The following VEGFC variants were observed in gnomAD, a reference collection of about 807,000 sequenced individuals.
VEGFC encodes FLT4 ligand DHM.
Under a neutral mutation model 46.1 loss-of-function variants are expected in VEGFC, and 12 were observed. The observed-to-expected ratio is 0.26, with a 90% CI of 0.17 to 0.42. The LOEUF (loss-of-function observed/expected upper bound fraction) is 0.42, where lower values mean the gene tolerates loss of function less well. Ranked by LOEUF, VEGFC falls within the 10% of genes least tolerant of loss-of-function variation. The probability of loss-of-function intolerance (pLI) is 1.00; values close to 1 mark genes in which losing one functional copy is unlikely to be tolerated. For synonymous variants in VEGFC, 232 were observed against 195.5 expected (o/e 1.19, Z -1.56); for missense variants, 488 against 529.4 (o/e 0.92, Z 0.77).
chr4:176,718,296 G>A (rs1298060633), intron 3 of VEGFC, among the ~76,000 whole-genome samples: 1 of 152,018 alleles, frequency 6.6e-6, no homozygotes, highest in African/African-American at 2.4e-5. Context: ...GAATACAAAG[G>A]AATGTAATAA....
intron 6 of VEGFC, among the ~76,000 whole-genome samples, chr4:176,686,177 A>T (rs1258409589): frequency 6.6e-6 from 1 of 152,218 alleles, no homozygotes; most frequent in South Asian, 2.1e-4. Context: ...GCTTAAAGAA[A>T]AAGGCCATGG....
chr4:176,786,810 G>A (rs916213435), intron 1 of VEGFC, among the ~76,000 whole-genome samples: 1 of 152,182 alleles, frequency 6.6e-6, no homozygotes, highest in Non-Finnish European at 1.5e-5. Flanking sequence ...GGAATTAGGA[G>A]CATCCACATG....
intron 1 of VEGFC, among the ~76,000 whole-genome samples, chr4:176,741,413 G>A (rs1366787478): frequency 2.0e-5 from 3 of 151,864 alleles, no homozygotes; most frequent in Non-Finnish European, 2.9e-5. Flanking sequence ...AACATTTCAG[G>A]CCAGAGAGTC....
At chr4:176,707,930 A>G (rs1156791744) in intron 4 of VEGFC, among the ~76,000 whole-genome samples, 1 of 152,038 alleles carries the variant, frequency 6.6e-6, no homozygotes, top group Non-Finnish European at 1.5e-5. Context: ...TTCATGTGTG[A>G]CTTGAGCTTT....
intron 1 of VEGFC, among the ~76,000 whole-genome samples, chr4:176,743,864 T>TA (rs1735218445): frequency 2.6e-5 from 4 of 151,988 alleles, no homozygotes. Flanking sequence ...GTGAAACAAA[T>TA]ATTGTTTCTG....
In VEGFC at chr4:176,727,937, G is replaced by A; in HGVS notation, c.393C>T (p.Cys131=). The change falls in exon 3 of 7, where the codon TGC becomes TGT. Residue 131 remains cysteine, a synonymous_variant. Transcript: ENST00000618562. ...SIDNEWRKTQ[C]MPREVCIDVG... is the part of the protein sequence containing the mutation. ...CATCTATACACACCTCCCGTGGCAT[G>A]CATTGAGTCTTTCTCCACTCATTAT... is the stretch of plus-strand genomic sequence containing the variant. The A allele has an allele frequency of 2.5e-6, 4 of 1,612,062 alleles. No homozygotes were observed. Among genetic ancestry groups the A allele is most frequent in the Non-Finnish European group, 3.4e-6 (4 of 1,178,894 alleles).
chr4:176,779,576 T>C (rs1407144350), intron 1 of VEGFC, among the ~76,000 whole-genome samples: 1 of 152,142 alleles, frequency 6.6e-6, no homozygotes, highest in Admixed American at 6.5e-5. Flanking sequence ...GGGCACATCA[T>C]CAAGTGGGGT....
chr4:176,768,491 CATATATAT>C lies in VEGFC; in HGVS notation c.147+23666_147+23673del, dbSNP rs145504348. Reference sequence around the variant, plus strand: ...CTGCCAAGTAAGAGGATGTTTTATACATATATATATATATATATATATTTCAAATTTTT... The same window carrying C: ...CTGCCAAGTAAGAGGATGTTTTATACATATATATATATATTTCAAATTTTT... On this transcript the variant is annotated intron_variant, in intron 1 of 6. Transcript: ENST00000618562. Among the ~76,000 whole-genome samples the C allele has an allele frequency of 3.0e-4, 30 of 100,536 alleles. 1 individual carries two copies. The highest frequency in any genetic ancestry group is 1.1e-3 in the Admixed American group (9 of 8,074). The allele number at this position is 100,536 out of a possible 152,430, so 66.0% of individuals were successfully genotyped here. A position where few individuals can be genotyped will look rare whatever the true frequency, so the allele number is the denominator to read the frequency against.
intron 4 of VEGFC, among the ~76,000 whole-genome samples, chr4:176,697,627 A>C (rs1202582314): frequency 6.6e-6 from 1 of 151,794 alleles, no homozygotes; most frequent in Non-Finnish European, 1.5e-5. Context: ...CAGCCATCCC[A>C]TTACTGGGTA....
chr4:176,790,606 T>C (rs1023264335), intron 1 of VEGFC, among the ~76,000 whole-genome samples: 2 of 152,174 alleles, frequency 1.3e-5, no homozygotes, highest in Non-Finnish European at 2.9e-5. Flanking sequence ...ATACAGGCTA[T>C]TGGCTTATCA....
intron 1 of VEGFC, among the ~76,000 whole-genome samples, chr4:176,750,192 G>A (rs994901435): frequency 1.3e-5 from 2 of 151,576 alleles, no homozygotes; most frequent in Non-Finnish European, 3.0e-5. Context: ...TTATTACTCC[G>A]ATCTCTGAAA....
intron 1 of VEGFC, among the ~76,000 whole-genome samples, chr4:176,776,193 C>G (rs1735810723): frequency 1.3e-5 from 2 of 151,970 alleles, no homozygotes; most frequent in South Asian, 4.2e-4. Flanking sequence ...TTTTGAGAAA[C>G]AAAGGTAAAG....
Position 176,777,189 on chromosome 4 carries a change from C to T in VEGFC, c.147+14976G>A, listed in dbSNP as rs558580789. Among the ~76,000 whole-genome samples the T allele has an allele frequency of 2.5e-3, 373 of 152,074 alleles. 2 individuals carry two copies. Among genetic ancestry groups the T allele is most frequent in the Non-Finnish European group, 1.6e-3 (107 of 67,982 alleles). The stretch of plus-strand genomic sequence containing the variant: ...AAAATTAGCCGGGCGTGGTGGCGGG[C>T]GCCTGTAGTCCCAGCTACTCAGGAG... On this transcript the variant is annotated intron_variant, in intron 1 of 6. Coordinates refer to ENST00000618562, the MANE Select transcript of VEGFC (RefSeq NM_005429.5).
intron 2 of VEGFC, 84 bp downstream of exon 2, chr4:176,729,445 TACAA>T (rs1560948002): frequency 9.1e-7 from 1 of 1,104,034 alleles, no homozygotes; most frequent in African/African-American, 1.6e-5. Context: ...TATTCGGTGA[TACAA>T]ACACTGAAAT....
intron 1 of VEGFC, among the ~76,000 whole-genome samples, chr4:176,759,234 T>C (rs1735485681): frequency 1.3e-5 from 2 of 152,170 alleles, no homozygotes; most frequent in East Asian, 1.9e-4. Context: ...AATTTGGGGG[T>C]TGAGCCCATA....
intron 1 of VEGFC, among the ~76,000 whole-genome samples, chr4:176,780,165 A>G (rs1032046274): frequency 4.6e-5 from 7 of 152,096 alleles, no homozygotes; most frequent in Admixed American, 2.6e-4. Flanking sequence ...AGGTCACCTG[A>G]GGTCAGGTGT....
Position 176,684,000 on chromosome 4 carries a change from C to T in VEGFC, c.1186G>A (p.Glu396Lys), listed in dbSNP as rs752936139. Residue 396 changes from glutamate to lysine, a missense_variant, in exon 7 of 7, where the codon GAG (glutamate) becomes AAG (lysine). Transcript: ENST00000618562. The part of the protein sequence containing the change: ...RPCTNRQKAC[E>K]PGFSYSEEVC... Reference sequence around the variant, plus strand: ...TCTTCACTATATGAAAATCCTGGCTCACAAGCCTTCTGGCGGTTCGTACAT... The same window carrying T: ...TCTTCACTATATGAAAATCCTGGCTTACAAGCCTTCTGGCGGTTCGTACAT... 3 of 1,614,200 alleles carry T rather than the reference C, an allele frequency of 1.9e-6. No individual in the cohort carries two copies. Among genetic ancestry groups the T allele is most frequent in the South Asian group, 1.1e-5 (1 of 91,082 alleles).
intron 1 of VEGFC, among the ~76,000 whole-genome samples, chr4:176,778,178 T>C (rs935059643): frequency 5.9e-5 from 9 of 152,048 alleles, no homozygotes; most frequent in African/African-American, 1.7e-4. Flanking sequence ...AAAGCATAAA[T>C]AGGAAAAAAC....
chr4:176,735,107 T>A (rs1182184763), intron 1 of VEGFC, among the ~76,000 whole-genome samples: 1 of 151,830 alleles, frequency 6.6e-6, no homozygotes, highest in Non-Finnish European at 1.5e-5. Flanking sequence ...ATCTGTTTCA[T>A]CTCCTCTGGG....
Sources: gnomAD v4.1 joint callset for allele counts (sites outside exome capture counted in the v4.1 genomes callset) on GRCh38, gnomAD v4.1.1 for gene constraint, MANE v1.5 for transcripts, NCBI Gene and HGNC (gene_info 2026-07-23, HGNC 2026-07-21) for gene names.